The following CNTN4 variants were observed in gnomAD, a reference collection of about 807,000 sequenced individuals.
CNTN4 encodes contactin-4.
In CNTN4, 77 loss-of-function variants were observed where a neutral mutation model predicts 122.5. The ratio of observed to expected loss-of-function variants is 0.63; its 90% CI spans 0.52 to 0.76. The LOEUF is 0.76. CNTN4 is among the 30% of genes least tolerant of loss of function. CNTN4 has a pLI of 0.00. For synonymous variants in CNTN4, 512 were observed against 447.0 expected (o/e 1.15, Z -1.83); for missense variants, 1,256 against 1,259.1 (o/e 1.00, Z 0.04).
chr3:2,733,049 G>C (rs1282778320), intron 4 of CNTN4, among the ~76,000 whole-genome samples: 1 of 152,122 alleles, frequency 6.6e-6, no homozygotes, highest in African/African-American at 2.4e-5. Flanking sequence ...ATATCTTTTT[G>C]TTATTTAAAT....
intron 3 of CNTN4, among the ~76,000 whole-genome samples, chr3:2,502,299 C>T (rs1280581052): frequency 6.6e-6 from 1 of 152,152 alleles, no homozygotes; most frequent in East Asian, 1.9e-4. Flanking sequence ...ATCCACGTGT[C>T]TCATGGTGCA....
intron 2 of CNTN4, among the ~76,000 whole-genome samples, chr3:2,303,649 A>T (rs2042603160): frequency 6.6e-6 from 1 of 152,088 alleles, no homozygotes; most frequent in Non-Finnish European, 1.5e-5. Flanking sequence ...TGTCTTTCTC[A>T]TGACTTTGGA....
At chr3:2,910,628 A>G (rs2094289513) in intron 12 of CNTN4, among the ~76,000 whole-genome samples, 1 of 152,182 alleles carries the variant, frequency 6.6e-6, no homozygotes, top group African/African-American at 2.4e-5. Flanking sequence ...GAATTGAGTC[A>G]TATTGTAAAT....
rs141585149 is a variant in CNTN4, at chr3:2,835,683, A to G, written c.454+16102A>G. Among the ~76,000 whole-genome samples, 388 of 152,308 alleles carry G rather than the reference A, an allele frequency of 2.5e-3. 2 individuals are homozygous for G. Among genetic ancestry groups the G allele is most frequent in the African/African-American group, 8.8e-3 (366 of 41,578 alleles). The stretch of plus-strand genomic sequence containing the variant: ...ATACCTACTGGGTCAAAGAAAAGAT[A>G]AAACCCATATTAATATATTTTTCAA... On this transcript the variant is annotated intron_variant, in intron 7 of 24. Transcript: ENST00000418658.
chr3:2,251,199 T>C (rs1290530749), intron 2 of CNTN4, among the ~76,000 whole-genome samples: 1 of 151,898 alleles, frequency 6.6e-6, no homozygotes, highest in Non-Finnish European at 1.5e-5. Context: ...CAATTGGTAA[T>C]AGCATCAATT....
intron 8 of CNTN4, among the ~76,000 whole-genome samples, chr3:2,876,913 G>A (rs1427273951): frequency 1.3e-5 from 2 of 152,152 alleles, no homozygotes; most frequent in East Asian, 3.8e-4. Flanking sequence ...CTCATAGTTA[G>A]GAAAGTTGTT....
In CNTN4 at chr3:3,043,572, A is replaced by G. The variant is rs1205359827; in HGVS notation, c.2699-20A>G. ...GAGACTTAATAATCTGTGACTTCGT[A>G]TATCTTAATTTTTTTATAGCACCAA... On this transcript the variant is annotated intron_variant, in intron 22 of 24. Transcript: ENST00000418658. The G allele has an allele frequency of 2.6e-6, 4 of 1,542,726 alleles. No individual in the cohort carries two copies. Among genetic ancestry groups the G allele is most frequent in the East Asian group, 2.2e-5 (1 of 44,542 alleles).
At chr3:2,965,226 G>C (rs1250670698) in intron 13 of CNTN4, among the ~76,000 whole-genome samples, 1 of 152,086 alleles carries the variant, frequency 6.6e-6, no homozygotes, top group Non-Finnish European at 1.5e-5. Context: ...AAGCATATCG[G>C]AGCCAAATTT....
chr3:2,229,518 C>G (rs1253520461), intron 2 of CNTN4, among the ~76,000 whole-genome samples: 1 of 152,068 alleles, frequency 6.6e-6, no homozygotes, highest in Non-Finnish European at 1.5e-5. Context: ...AGAATTACAG[C>G]CGAATATTCA....
chr3:2,298,158 T>C (rs2150049014), intron 2 of CNTN4, among the ~76,000 whole-genome samples: 1 of 152,336 alleles, frequency 6.6e-6, no homozygotes, highest in East Asian at 1.9e-4. Context: ...AAGAATGTAA[T>C]TAGTAGCAAA....
At chr3:2,323,139 C>T (rs2043327743) in intron 2 of CNTN4, among the ~76,000 whole-genome samples, 1 of 152,072 alleles carries the variant, frequency 6.6e-6, no homozygotes. Context: ...CAACCATATA[C>T]CTGAAGAATC....
chr3:2,227,721 A>G (rs2039339735), intron 2 of CNTN4, among the ~76,000 whole-genome samples: 1 of 152,140 alleles, frequency 6.6e-6, no homozygotes, highest in Non-Finnish European at 1.5e-5. Context: ...ATGTAACTGT[A>G]GAAATATGGT....
chr3:2,124,473 C>CACACACACACA (rs1553570119), intron 2 of CNTN4, among the ~76,000 whole-genome samples: 39 of 147,230 alleles, frequency 2.6e-4, no homozygotes, highest in African/African-American at 8.3e-4. Flanking sequence ...CACACACACA[C>CACACACACACA]CCCCTTAAGC....
chr3:2,252,258 C>T lies in CNTN4; in HGVS notation c.-144-86920C>T, dbSNP rs188574493. On this transcript the variant is annotated intron_variant, in intron 2 of 24. Transcript: ENST00000418658. ...GTTTTTTATTATAATGTATTAAGTACAGTGGTAAATAAAATGGACTTCATT... is the reference window on the plus strand; with the variant it reads ...GTTTTTTATTATAATGTATTAAGTATAGTGGTAAATAAAATGGACTTCATT... Among the ~76,000 whole-genome samples the T allele has an allele frequency of 6.0e-3, 917 of 152,024 alleles. 10 individuals carry two copies. Among genetic ancestry groups the T allele is most frequent in the African/African-American group, 0.02 (841 of 41,520 alleles).
chr3:2,114,777 C>T (rs2125156222), intron 2 of CNTN4, among the ~76,000 whole-genome samples: 1 of 152,268 alleles, frequency 6.6e-6, no homozygotes, highest in East Asian at 1.9e-4. Flanking sequence ...AAAGCCACTG[C>T]AAGATTTATA....
At chr3:2,481,555 C>T (rs916353035) in intron 3 of CNTN4, among the ~76,000 whole-genome samples, 2 of 152,000 alleles carry the variant, frequency 1.3e-5, no homozygotes, top group East Asian at 1.9e-4. Flanking sequence ...AAAAATTAAC[C>T]CAAAATGGAT....
chr3:2,376,881 G>A (rs920723707), intron 3 of CNTN4, among the ~76,000 whole-genome samples: 1 of 151,918 alleles, frequency 6.6e-6, no homozygotes, highest in Admixed American at 6.6e-5. Flanking sequence ...AGCTCAGCAG[G>A]GCGCGGTGGC....
chr3:3,019,466 A>AT (rs550484479), intron 14 of CNTN4, among the ~76,000 whole-genome samples: 10 of 150,976 alleles, frequency 6.6e-5, no homozygotes, highest in Non-Finnish European at 1.0e-4. Context: ...TAGTTTTTGT[A>AT]TTTTTTTTAG....
chr3:2,762,743 G>A (rs950716334), intron 6 of CNTN4, among the ~76,000 whole-genome samples: 1 of 152,034 alleles, frequency 6.6e-6, no homozygotes, highest in Non-Finnish European at 1.5e-5. Context: ...ATCTTTGAGG[G>A]ATCGCCACAC....
Sources: gnomAD v4.1 joint callset for allele counts (sites outside exome capture counted in the v4.1 genomes callset) on GRCh38, gnomAD v4.1.1 for gene constraint, MANE v1.5 for transcripts, NCBI Gene and HGNC (gene_info 2026-07-23, HGNC 2026-07-21) for gene names.